STAU2: variants seen among roughly 807,000 people sequenced by gnomAD.
The protein encoded by STAU2 is staufen double-stranded RNA binding protein 2.
Under a neutral mutation model 65.9 loss-of-function variants are expected in STAU2, and 20 were observed. The ratio of observed to expected loss-of-function variants is 0.30; its 90% CI spans 0.21 to 0.44. The LOEUF is 0.44. Ranked by LOEUF, STAU2 falls within the 20% of genes least tolerant of loss-of-function variation. The pLI is 1.00. For missense variants in STAU2, 558 were observed against 683.9 expected, an observed-to-expected ratio of 0.82 and a Z score of 2.05; for synonymous variants, 232 against 233.9, an observed-to-expected ratio of 0.99 and a Z score of 0.07.
intron 13 of STAU2, among the ~76,000 whole-genome samples, chr8:73,471,111 C>A (rs1819981028): frequency 6.6e-6 from 1 of 151,244 alleles, no homozygotes; most frequent in South Asian, 2.1e-4. Flanking sequence ...GGTTTTTTTC[C>A]TCTTTCTTTC....
intron 11 of STAU2, among the ~76,000 whole-genome samples, chr8:73,584,983 A>G (rs947536228): frequency 4.6e-5 from 7 of 152,238 alleles, no homozygotes; most frequent in African/African-American, 1.7e-4. Context: ...CCTCCAAAAC[A>G]TAGCCTGTAC....
intron 13 of STAU2, among the ~76,000 whole-genome samples, chr8:73,458,339 G>C (rs146761455): frequency 6.6e-6 from 1 of 152,294 alleles, no homozygotes; most frequent in East Asian, 1.9e-4. Context: ...AAGAAATCCA[G>C]GAATCGTACT....
chr8:73,589,108 C>T (rs773923524), intron 11 of STAU2, among the ~76,000 whole-genome samples: 5 of 152,170 alleles, frequency 3.3e-5, no homozygotes, highest in Non-Finnish European at 7.4e-5. Context: ...TCACATTACA[C>T]AAAGCATGGG....
At chr8:73,429,600 A>T (rs1175685085) in intron 13 of STAU2, among the ~76,000 whole-genome samples, 2 of 144,720 alleles carry the variant, frequency 1.4e-5, no homozygotes, top group Admixed American at 6.9e-5. Context: ...ACCTGGCTAA[A>T]TTTTTTTTTT....
At chr8:73,650,869 T>C (rs1815806624) in intron 6 of STAU2, among the ~76,000 whole-genome samples, 1 of 152,140 alleles carries the variant, frequency 6.6e-6, no homozygotes, top group Non-Finnish European at 1.5e-5. Flanking sequence ...AGGGCAATAA[T>C]AGAAGAACAG....
intron 6 of STAU2, among the ~76,000 whole-genome samples, chr8:73,668,257 G>T (rs1337973414): frequency 6.6e-6 from 1 of 152,114 alleles, no homozygotes; most frequent in African/African-American, 2.4e-5. Context: ...AGAAACAAGA[G>T]CTAGAAAGAG....
At chr8:73,561,112 G>A (rs1022135351) in intron 12 of STAU2, among the ~76,000 whole-genome samples, 1 of 152,154 alleles carries the variant, frequency 6.6e-6, no homozygotes, top group Admixed American at 6.5e-5. Context: ...GTCTGGCACA[G>A]GGGTTATTAA....
intron 3 of STAU2, among the ~76,000 whole-genome samples, chr8:73,719,983 T>C (rs1049911381): frequency 6.6e-6 from 1 of 152,178 alleles, no homozygotes; most frequent in Non-Finnish European, 1.5e-5. Context: ...CTTTAGCATA[T>C]AAAAAGCTAC....
chr8:73,722,086 T>C (rs1194405789), intron 3 of STAU2, among the ~76,000 whole-genome samples: 1 of 152,196 alleles, frequency 6.6e-6, no homozygotes, highest in Non-Finnish European at 1.5e-5. Context: ...GGCTAGAGTT[T>C]ACAGTATACA....
rs1470895105 is a variant in STAU2 at position 73,530,515 on chromosome 8, A to G, written c.1530+21497T>C. 7.2e-5 allele frequency among the ~76,000 whole-genome samples: 11 copies of G among 152,300 alleles called. No individual in the cohort carries two copies. In the East Asian group the frequency reaches 2.1e-3, roughly 29 times the overall value. On this transcript the variant is annotated intron_variant, in intron 13 of 14. Transcript: ENST00000524300. Reference sequence around the variant, plus strand: ...CCAGCTAGTGGGTAGCTCTAAGAGAATAGCTGATACAGAGTGGGAATACCT... The same window carrying G: ...CCAGCTAGTGGGTAGCTCTAAGAGAGTAGCTGATACAGAGTGGGAATACCT...
intron 6 of STAU2, chr8:73,653,221 G>A (rs1367230737): frequency 6.6e-6 from 1 of 152,102 alleles, no homozygotes; most frequent in Non-Finnish European, 1.5e-5. Flanking sequence ...TCTGGTATAA[G>A]GACAAACCAT....
chr8:73,629,350 A>G (rs1032557531), intron 6 of STAU2, among the ~76,000 whole-genome samples: 1 of 152,252 alleles, frequency 6.6e-6, no homozygotes, highest in African/African-American at 2.4e-5. Flanking sequence ...CATAAAAATT[A>G]TAATTAAAAA....
At chr8:73,453,072 C>T (rs1818885822) in intron 13 of STAU2, among the ~76,000 whole-genome samples, 1 of 152,140 alleles carries the variant, frequency 6.6e-6, no homozygotes, top group Non-Finnish European at 1.5e-5. Context: ...ATGACTCTGA[C>T]TCGGTGTCTT....
At chr8:73,430,990 T>C (rs1021487107) in intron 13 of STAU2, among the ~76,000 whole-genome samples, 2 of 152,218 alleles carry the variant, frequency 1.3e-5, no homozygotes, top group Non-Finnish European at 2.9e-5. Flanking sequence ...TCCTACCATC[T>C]GCAGTTCACT....
At position 73,618,320 on chromosome 8, in the gene STAU2, G is replaced by C. The variant is rs73330860; in HGVS notation, c.411-869C>G. On this transcript the variant is annotated intron_variant, in intron 6 of 14. Coordinates refer to ENST00000524300, the MANE Select transcript of STAU2 (RefSeq NM_001164380.2). The stretch of plus-strand genomic sequence containing the variant: ...GGTAGGTTTTAGATAGGGTGGCCAA[G>C]AGAAGTTTCATTGAGAAAATATCAA... Among the ~76,000 whole-genome samples, 667 of 152,296 alleles carry C rather than the reference G, an allele frequency of 4.4e-3. 7 individuals are homozygous for C. The highest frequency in any genetic ancestry group is 0.014 in the African/African-American group (585 of 41,564).
At chr8:73,544,200 T>C (rs367655069) in intron 13 of STAU2, among the ~76,000 whole-genome samples, 26 of 152,334 alleles carry the variant, frequency 1.7e-4, no homozygotes, top group South Asian at 6.2e-4. Context: ...ATTTTCTCAA[T>C]TGAACCTTAG....
chr8:73,660,822 AATATCC>A (rs1816776541), intron 6 of STAU2, among the ~76,000 whole-genome samples: 1 of 152,200 alleles, frequency 6.6e-6, no homozygotes, highest in Admixed American at 6.5e-5. Context: ...ACGGGCCAAA[AATATCC>A]ATATGCAATA....
In STAU2 at chr8:73,548,845, G is replaced by A. The variant is rs748927652; in HGVS notation, c.1530+3167C>T. Among the ~76,000 whole-genome samples the A allele has an allele frequency of 5.9e-5, 9 of 152,080 alleles. No homozygotes were observed. The South Asian group carries it at 1.0e-3, about 17-fold the overall frequency. ...GAAATGAAATCCATCTAGAAGGGAC[G>A]ATTTGCTAAAATAATCCACTTTCAT... On this transcript the variant is annotated intron_variant, in intron 13 of 14. Transcript: ENST00000524300.
chr8:73,452,362 C>T (rs186631282), intron 13 of STAU2, among the ~76,000 whole-genome samples: 1 of 152,312 alleles, frequency 6.6e-6, no homozygotes, highest in East Asian at 1.9e-4. Context: ...TCTTGCAAAC[C>T]TCGCCTGGGC....
Sources: gnomAD v4.1 joint callset for allele counts (sites outside exome capture counted in the v4.1 genomes callset) on GRCh38, gnomAD v4.1.1 for gene constraint, MANE v1.5 for transcripts, NCBI Gene and HGNC (gene_info 2026-07-23, HGNC 2026-07-21) for gene names.